Variants in PIGK observed in about 807,000 individuals in gnomAD.
PIGK encodes GPI-anchor transamidase.
PIGK carries 42 observed loss-of-function variants against 50.6 expected under a neutral mutation model. The observed-to-expected ratio is 0.83, with a 90% confidence interval of 0.65 to 1.07. The LOEUF is 1.07. PIGK is among the 50% of genes least tolerant of loss of function. The pLI, the probability that PIGK is intolerant of heterozygous loss-of-function variation, is 0.00. For missense variants in PIGK, 448 were observed against 488.7 expected (o/e 0.92, Z 0.78); for synonymous variants, 151 against 156.0 (o/e 0.97, Z 0.24).
At chr1:77,218,066 AAT>A (rs914589994) in intron 1 of PIGK, among the ~76,000 whole-genome samples, 7 of 152,178 alleles carry the variant, frequency 4.6e-5, no homozygotes, top group Admixed American at 2.6e-4. Flanking sequence ...GTTCATGCTC[AAT>A]ATCTTTTTTT....
chr1:77,161,679 C>A lies in PIGK; in HGVS notation c.617G>T (p.Cys206Phe). The A allele has an allele frequency of 6.4e-7, 1 of 1,565,882 alleles. No homozygotes were observed. The part of the protein sequence containing the change: ...YNELLFIIDT[C>F]QGASMYERFY... ...TCGTTCATACATGGATGCTCCTTGG[C>A]AAGTATCAATAATAAACAGTAGCTC... The change falls in exon 7 of 11, where the codon TGC becomes TTC. Residue 206 changes from cysteine to phenylalanine, a missense_variant. By Grantham distance (205) the Cys-to-Phe change is radical. Transcript: ENST00000370812.
At chr1:77,203,150 G>C (rs1262734642) in intron 3 of PIGK, among the ~76,000 whole-genome samples, 1 of 150,076 alleles carries the variant, frequency 6.7e-6, no homozygotes. Context: ...TGGTAGACTT[G>C]ATGAAAGACA....
intron 10 of PIGK, among the ~76,000 whole-genome samples, chr1:77,110,906 A>G (rs1570188577): frequency 6.6e-6 from 1 of 152,276 alleles, no homozygotes; most frequent in Non-Finnish European, 1.5e-5. Flanking sequence ...ACTCAAACAA[A>G]TTTACAAGAA....
intron 9 of PIGK, among the ~76,000 whole-genome samples, chr1:77,124,787 T>C (rs1654190363): frequency 6.6e-6 from 1 of 152,218 alleles, no homozygotes; most frequent in Non-Finnish European, 1.5e-5. Flanking sequence ...AAGGGACTTG[T>C]ATTAAGAATG....
intron 10 of PIGK, among the ~76,000 whole-genome samples, chr1:77,110,934 C>A (rs1325769234): frequency 3.3e-5 from 5 of 151,900 alleles, no homozygotes; most frequent in African/African-American, 7.3e-5. Flanking sequence ...ACCCCATCAA[C>A]AAGTGGGCAA....
In PIGK at chr1:77,169,263, G is replaced by A. The variant is rs1779199; in HGVS notation, c.372C>T (p.Tyr124=). ...GDDVEVDYRS[Y]EVTVENFLRV... is the part of the protein sequence containing the mutation. ...GTGGCTAGATTAAAGAATTTACCTCGTAACTTCTATAATCCACTTCCACAT... is the reference window on the plus strand; with the variant it reads ...GTGGCTAGATTAAAGAATTTACCTCATAACTTCTATAATCCACTTCCACAT... Residue 124 remains tyrosine, a synonymous_variant, in exon 4 of 11, where the codon TAC becomes TAT. Transcript: ENST00000370812. 1 allele frequency: 1,541,134 copies of A among 1,545,452 alleles called. 768,504 individuals are homozygous for A. Among genetic ancestry groups the A allele is most frequent in the East Asian group, 1 (42,428 of 42,428 alleles).
At chr1:77,141,866 T>C (rs1654657302) in intron 9 of PIGK, among the ~76,000 whole-genome samples, 1 of 152,122 alleles carries the variant, frequency 6.6e-6, no homozygotes, top group African/African-American at 2.4e-5. Flanking sequence ...CCCTGAGAAA[T>C]CAGCTTTCTA....
At chr1:77,170,175 C>CTTT (rs918627321) in intron 3 of PIGK, among the ~76,000 whole-genome samples, 1 of 152,112 alleles carries the variant, frequency 6.6e-6, no homozygotes, top group African/African-American at 2.4e-5. Context: ...CCCATTATAT[C>CTTT]TTTTTTTATT....
At position 77,154,517 on chromosome 1, in the gene PIGK, A is replaced by T; in HGVS notation, c.918T>A (p.Ser306Arg). Residue 306 changes from serine (S) to arginine (R), a missense_variant, in exon 9 of 11, where the codon AGT becomes AGA. Ser to Arg is a moderately radical substitution (Grantham distance 110, BLOSUM62 -1). Coordinates refer to ENST00000370812, the MANE Select transcript of PIGK (RefSeq NM_005482.3). ...KNVLITDFFGSVRKVEITTET... is the reference protein window; with the variant it reads ...KNVLITDFFGRVRKVEITTET... ...CTGTTGTAATTTCCACTTTCCGTACACTTCCAAAGAAATCAGTTATCAGTA... is the reference window on the plus strand; with the variant it reads ...CTGTTGTAATTTCCACTTTCCGTACTCTTCCAAAGAAATCAGTTATCAGTA... 1.2e-6 allele frequency: 2 copies of T among 1,612,094 alleles called. No individual in the cohort carries two copies. Among genetic ancestry groups the T allele is most frequent in the Non-Finnish European group, 1.7e-6 (2 of 1,178,396 alleles).
intron 2 of PIGK, 70 bp downstream of exon 2, chr1:77,210,366 T>A: frequency 2.3e-6 from 2 of 862,828 alleles, no homozygotes; most frequent in Non-Finnish European, 3.5e-6. Context: ...TTTCAAAAAT[T>A]TGATTCACAC....
intron 6 of PIGK, 22 bp from the exon 7 acceptor site, chr1:77,161,733 C>A: frequency 2.1e-6 from 2 of 933,668 alleles, no homozygotes; most frequent in South Asian, 1.3e-5. Context: ...ATGATAACAT[C>A]TTTGACAAGG....
At chr1:77,116,789 A>C (rs1392460402) in intron 10 of PIGK, among the ~76,000 whole-genome samples, 1 of 152,150 alleles carries the variant, frequency 6.6e-6, no homozygotes, top group Admixed American at 6.5e-5. Context: ...ACAGTCGAGT[A>C]ATCATATTAA....
chr1:77,117,827 A>T (rs1654012854), intron 10 of PIGK, among the ~76,000 whole-genome samples: 1 of 152,094 alleles, frequency 6.6e-6, no homozygotes, highest in African/African-American at 2.4e-5. Context: ...AGGAGGGTAA[A>T]GCATAAAAAT....
At chr1:77,170,029 CT>C (rs1481826912) in intron 3 of PIGK, among the ~76,000 whole-genome samples, 1 of 152,198 alleles carries the variant, frequency 6.6e-6, no homozygotes, top group African/African-American at 2.4e-5. Context: ...TGGCTAGATG[CT>C]GGAATAGCTC....
At chr1:77,174,317 C>T (rs1007173095) in intron 3 of PIGK, among the ~76,000 whole-genome samples, 3 of 152,174 alleles carry the variant, frequency 2.0e-5, no homozygotes, top group Admixed American at 6.5e-5. Flanking sequence ...GATATTCAAG[C>T]TCTAACAGCC....
At chr1:77,143,538 T>C (rs573567511) in intron 9 of PIGK, among the ~76,000 whole-genome samples, 6 of 152,194 alleles carry the variant, frequency 3.9e-5, no homozygotes, top group African/African-American at 1.4e-4. Context: ...AATTTACATA[T>C]AGAGAGAAAT....
chr1:77,187,370 C>T (rs1570249976), intron 3 of PIGK, among the ~76,000 whole-genome samples: 1 of 152,332 alleles, frequency 6.6e-6, no homozygotes, highest in South Asian at 2.1e-4. Context: ...TAGTGATCCA[C>T]TAGCAAAATT....
intron 8 of PIGK, among the ~76,000 whole-genome samples, chr1:77,155,450 TAA>T (rs1654986424): frequency 6.6e-6 from 1 of 152,190 alleles, no homozygotes; most frequent in African/African-American, 2.4e-5. Flanking sequence ...CAAAGATTGA[TAA>T]GACATGGTCC....
At chr1:77,165,094 C>T (rs1655206377) in intron 5 of PIGK, among the ~76,000 whole-genome samples, 1 of 152,068 alleles carries the variant, frequency 6.6e-6, no homozygotes, top group Non-Finnish European at 1.5e-5. Context: ...TTCAATAAAA[C>T]TTCCAAAACA....
Sources: gnomAD v4.1 joint callset for allele counts (sites outside exome capture counted in the v4.1 genomes callset) on GRCh38, gnomAD v4.1.1 for gene constraint, MANE v1.5 for transcripts, NCBI Gene and HGNC (gene_info 2026-07-23, HGNC 2026-07-21) for gene names.